Variants in AKAP11 observed in about 807,000 individuals in gnomAD.
The protein encoded by AKAP11 is A-kinase anchoring protein 11, also known as A-kinase anchor protein 11.
Under a neutral mutation model 146.1 loss-of-function variants are expected in AKAP11, and 36 were observed. The observed-to-expected ratio is 0.25, with a 90% CI of 0.19 to 0.33. The LOEUF is 0.33. Ranked by LOEUF, AKAP11 falls within the 10% of genes least tolerant of loss-of-function variation. The probability of loss-of-function intolerance (pLI) is 1.00; values close to 1 mark genes in which losing one functional copy is unlikely to be tolerated. For synonymous variants in AKAP11, 780 were observed against 786.5 expected (o/e 0.99, Z 0.14); for missense variants, 2,201 against 2,197.0 (o/e 1.00, Z -0.04).
intron 1 of AKAP11, among the ~76,000 whole-genome samples, chr13:42,274,035 G>A (rs1488116789): frequency 6.6e-6 from 1 of 152,202 alleles, no homozygotes; most frequent in East Asian, 1.9e-4. Context: ...ATTTTCAGAA[G>A]TAGAAAAATA....
At chr13:42,284,509 A>G (rs1959128627) in intron 1 of AKAP11, among the ~76,000 whole-genome samples, 1 of 152,234 alleles carries the variant, frequency 6.6e-6, no homozygotes, top group Non-Finnish European at 1.5e-5. Context: ...TGGGACAAAT[A>G]AAAGGATTAT....
intron 8 of AKAP11, among the ~76,000 whole-genome samples, chr13:42,306,749 A>G (rs1284006859): frequency 6.6e-6 from 1 of 152,220 alleles, no homozygotes; most frequent in African/African-American, 2.4e-5. Context: ...TGTTTGATTC[A>G]TGAACATGAC....
Position 42,292,504 on chromosome 13 carries a change from T to C in AKAP11, c.168+3T>C. On this transcript the variant is annotated splice_donor_region_variant and intron_variant, in intron 4 of 12. Transcript: ENST00000025301. ...ATGAGCATGCCAATTTAACTGAGGTTTAACATACTACTTTCTAAACCCTTT... is the reference window on the plus strand; with the variant it reads ...ATGAGCATGCCAATTTAACTGAGGTCTAACATACTACTTTCTAAACCCTTT... 6.5e-7 allele frequency: 1 copy of C among 1,534,308 alleles called. No homozygotes were observed. The highest frequency in any genetic ancestry group is 8.9e-7 in the Non-Finnish European group (1 of 1,119,706).
intron 5 of AKAP11, among the ~76,000 whole-genome samples, chr13:42,296,395 A>T (rs59449023): frequency 0.12 from 18,767 of 152,154 alleles, 1,304 homozygotes; most frequent in South Asian, 0.17. Context: ...GTATTCCAAG[A>T]TATTTCTTTA....
intron 1 of AKAP11, among the ~76,000 whole-genome samples, chr13:42,283,654 T>C (rs1309227628): frequency 6.6e-6 from 1 of 152,180 alleles, no homozygotes; most frequent in East Asian, 1.9e-4. Context: ...GGTGAGCAGC[T>C]CATTTAGATA....
intron 3 of AKAP11, among the ~76,000 whole-genome samples, chr13:42,287,901 G>A (rs906526071): frequency 6.6e-6 from 1 of 152,132 alleles, no homozygotes; most frequent in Non-Finnish European, 1.5e-5. Context: ...TCAGGGATTA[G>A]ACAGCAGCTG....
intron 1 of AKAP11, among the ~76,000 whole-genome samples, chr13:42,277,053 T>A (rs1958940164): frequency 6.6e-6 from 1 of 152,262 alleles, no homozygotes; most frequent in African/African-American, 2.4e-5. Flanking sequence ...ATTTTAGTTT[T>A]TTGTTGTTGC....
At chr13:42,308,414 G>A (rs1960388038) in intron 8 of AKAP11, 40 bp from the exon 9 acceptor site, 2 of 1,491,010 alleles carry the variant, frequency 1.3e-6, no homozygotes, top group Non-Finnish European at 1.8e-6. Context: ...AATCTGGGAT[G>A]CTTTCAATTT....
Position 42,319,291 on chromosome 13 carries a change from G to A in AKAP11, c.*63G>A, listed in dbSNP as rs1406092484. ...GGGAGGGGAACAAGCCAATAAAGAT[G>A]TTTAGGATAAAATTTGAATAGTGAA... On this transcript the variant is annotated 3_prime_UTR_variant, in exon 13 of 13. Coordinates refer to ENST00000025301, the MANE Select transcript of AKAP11 (RefSeq NM_016248.4). 4 of 1,563,466 alleles carry A rather than the reference G, an allele frequency of 2.6e-6. No homozygotes were observed. The highest frequency in any genetic ancestry group is 1.4e-5 in the African/African-American group (1 of 72,646).
At chr13:42,272,366 C>T (rs1030762532) in intron 1 of AKAP11, 138 bp downstream of exon 1, 1 of 152,360 alleles carries the variant, frequency 6.6e-6, no homozygotes, top group African/African-American at 2.4e-5. Context: ...CTTCTGGCTT[C>T]GGGGCCGCCC....
At chr13:42,291,288 T>C (rs551494138) in intron 3 of AKAP11, among the ~76,000 whole-genome samples, 3 of 152,356 alleles carry the variant, frequency 2.0e-5, no homozygotes, top group Admixed American at 2.0e-4. Context: ...AATCTCACTC[T>C]GTCGCCCAGG....
chr13:42,314,556 A>G (rs1356375765), intron 11 of AKAP11, among the ~76,000 whole-genome samples: 1 of 152,032 alleles, frequency 6.6e-6, no homozygotes, highest in African/African-American at 2.4e-5. Context: ...ACAAAAGCTA[A>G]AATTCTTACT....
chr13:42,276,540 C>CCTAG (rs1387928992), intron 1 of AKAP11, among the ~76,000 whole-genome samples: 16 of 152,162 alleles, frequency 1.1e-4, no homozygotes, highest in African/African-American at 3.9e-4. Flanking sequence ...GCCCACTGTA[C>CCTAG]CTAGCCTCTT....
At chr13:42,312,291 T>A (rs183714415) in intron 9 of AKAP11, among the ~76,000 whole-genome samples, 1 of 152,340 alleles carries the variant, frequency 6.6e-6, no homozygotes, top group Admixed American at 6.5e-5. Flanking sequence ...ATTGCTTTGC[T>A]GCAGTTTTAG....
intron 6 of AKAP11, 117 bp from the exon 7 acceptor site, chr13:42,298,416 G>T (rs183146514): frequency 9.5e-7 from 1 of 1,057,398 alleles, no homozygotes; most frequent in East Asian, 2.7e-5. Flanking sequence ...AGCTTTTCAG[G>T]ATGCATGAAT....
chr13:42,306,776 A>G lies in AKAP11; in HGVS notation c.5118-1678A>G, dbSNP rs369561721. On this transcript the variant is annotated intron_variant, in intron 8 of 12. Coordinates refer to ENST00000025301, the MANE Select transcript of AKAP11 (RefSeq NM_016248.4). ...GAACATGACCATAAATATTTCACAAACTGTAATGAACAGAGAGGTGGCATG... is the reference window on the plus strand; with the variant it reads ...GAACATGACCATAAATATTTCACAAGCTGTAATGAACAGAGAGGTGGCATG... Among the ~76,000 whole-genome samples the G allele has an allele frequency of 3.9e-5, 6 of 152,220 alleles. 1 individual carries two copies. The highest frequency in any genetic ancestry group is 3.8e-4 in the East Asian group (2 of 5,204).
At chr13:42,281,165 TGAGAC>T (rs1294227605) in intron 1 of AKAP11, among the ~76,000 whole-genome samples, 1 of 152,064 alleles carries the variant, frequency 6.6e-6, no homozygotes, top group Non-Finnish European at 1.5e-5. Context: ...CTAAATAAAA[TGAGAC>T]AAGAGGATAA....
At chr13:42,280,451 A>G (rs1959034899) in intron 1 of AKAP11, among the ~76,000 whole-genome samples, 1 of 152,232 alleles carries the variant, frequency 6.6e-6, no homozygotes, top group African/African-American at 2.4e-5. Context: ...TTAAATGTAG[A>G]CATACTCATT....
chr13:42,322,215 T>C lies in AKAP11; in HGVS notation c.*2987T>C, dbSNP rs1471910341. 1.3e-5 allele frequency: 2 copies of C among 152,286 alleles called. No individual in the cohort carries two copies. Among genetic ancestry groups the C allele is most frequent in the Non-Finnish European group, 2.9e-5 (2 of 67,972 alleles). 9.4% of individuals were successfully genotyped at this position (152,286 alleles called of 1,614,324 possible). A position where few individuals can be genotyped will look rare whatever the true frequency, so the allele number is the denominator to read the frequency against. On this transcript the variant is annotated 3_prime_UTR_variant, in exon 13 of 13. Transcript: ENST00000025301. ...AATGTTCCACTTACCCTTCAGATAT[T>C]TGTTGTAAGTTAATTCAATTCTTAA...
Sources: allele counts gnomAD v4.1 joint callset (sites outside exome capture counted in the v4.1 genomes callset), GRCh38; gene constraint gnomAD v4.1.1; transcripts MANE v1.5; gene names NCBI Gene and HGNC (gene_info 2026-07-23, HGNC 2026-07-21).